FBLN2: variants seen among roughly 807,000 people sequenced by gnomAD.
The protein encoded by FBLN2 is fibulin 2, also known as fibulin-2.
A neutral mutation model predicts 123.7 loss-of-function variants in FBLN2; 81 were observed. That is an observed-to-expected ratio of 0.65 (90% CI 0.55 to 0.79). FBLN2 has a LOEUF of 0.79. Ranked by LOEUF, FBLN2 falls within the 30% of genes least tolerant of loss-of-function variation. FBLN2 has a pLI of 0.00. For missense variants in FBLN2, 1,603 were observed against 1,681.3 expected (o/e 0.95, Z 0.81); for synonymous variants, 699 against 701.4 (o/e 1.00, Z 0.05).
intron 2 of FBLN2, among the ~76,000 whole-genome samples, chr3:13,572,030 G>T (rs557807530): frequency 6.6e-6 from 1 of 152,354 alleles, no homozygotes; most frequent in African/African-American, 2.4e-5. Flanking sequence ...AATGCGAAGG[G>T]CGGTCTCTTC....
Position 13,605,475 on chromosome 3 carries a change from G to A in FBLN2, c.1307-2587G>A, listed in dbSNP as rs112682194. ...TTTGGCTTCTTCCTTTTCTCCCTTA[G>A]TGCTGTGTTCCTCCACACTTCTGTG... On this transcript the variant is annotated intron_variant, in intron 2 of 17. Coordinates refer to ENST00000404922, the MANE Select transcript of FBLN2 (RefSeq NM_001004019.2). 6.3e-3 allele frequency among the ~76,000 whole-genome samples: 957 copies of A among 152,170 alleles called. 11 individuals carry two copies. The highest frequency in any genetic ancestry group is 0.022 in the African/African-American group (896 of 41,504).
chr3:13,606,493 A>C (rs1053077787), intron 2 of FBLN2, among the ~76,000 whole-genome samples: 1 of 152,246 alleles, frequency 6.6e-6, no homozygotes, highest in Non-Finnish European at 1.5e-5. Flanking sequence ...AACCTTGAAC[A>C]ACTCAGGAGT....
At chr3:13,596,731 C>A (rs1704854589) in intron 2 of FBLN2, among the ~76,000 whole-genome samples, 1 of 152,084 alleles carries the variant, frequency 6.6e-6, no homozygotes, top group African/African-American at 2.4e-5. Flanking sequence ...CACTCCCAGC[C>A]CTTGGCACCC....
Position 13,637,608 on chromosome 3 carries a change from T to C in FBLN2, c.3385T>C (p.Ser1129Pro). 6.2e-7 allele frequency: 1 copy of C among 1,613,278 alleles called. No individual in the cohort carries two copies. The highest frequency in any genetic ancestry group is 1.1e-5 in the South Asian group (1 of 91,018). Residue 1129 changes from serine (S) to proline (P), a missense_variant, in exon 18 of 18, where the codon TCG (serine) becomes CCG (proline). Coordinates refer to ENST00000404922, the MANE Select transcript of FBLN2 (RefSeq NM_001004019.2). ...CCATGACTTCCTGGAGTGCCAGAAC[T>C]CGCCAGCGCGCATCACGCACTACCA... ...TCHDFLECQN[S>P]PARITHYQLN...
chr3:13,617,400 A>G (rs888409022), intron 5 of FBLN2, among the ~76,000 whole-genome samples: 3 of 151,126 alleles, frequency 2.0e-5, no homozygotes, highest in Middle Eastern at 3.2e-3. Context: ...TCACCCATCC[A>G]TCTATCCATC....
chr3:13,609,556 A>T lies in FBLN2; in HGVS notation c.1462A>T (p.Ser488Cys). Residue 488 changes from serine (S) to cysteine (C), a missense_variant, in exon 4 of 18, where the codon AGC becomes TGC. Transcript: ENST00000404922. The part of the protein sequence containing the change: ...HCCVSYLQEK[S>C]CMAGVLGAKE... Reference sequence around the variant, plus strand: ...CTGTGTCTCCTACTTGCAGGAGAAGAGCTGCATGGCCGGCGTCCTGGGAGC... The same window carrying T: ...CTGTGTCTCCTACTTGCAGGAGAAGTGCTGCATGGCCGGCGTCCTGGGAGC... 1 of 1,553,602 alleles carries T rather than the reference A, an allele frequency of 6.4e-7. No individual in the cohort carries two copies. The highest frequency in any genetic ancestry group is 8.7e-7 in the Non-Finnish European group (1 of 1,148,286).
chr3:13,625,428 A>G (rs1292038152), intron 9 of FBLN2, among the ~76,000 whole-genome samples: 1 of 152,132 alleles, frequency 6.6e-6, no homozygotes, highest in Non-Finnish European at 1.5e-5. Flanking sequence ...GGCCTCAGCC[A>G]TCTGACCATT....
intron 16 of FBLN2, among the ~76,000 whole-genome samples, chr3:13,633,333 C>T (rs369010433): frequency 7.2e-5 from 11 of 152,390 alleles, no homozygotes; most frequent in East Asian, 5.8e-4. Flanking sequence ...GAAGAACTGG[C>T]GAGGCCAGGT....
intron 16 of FBLN2, among the ~76,000 whole-genome samples, chr3:13,634,848 A>G (rs1318477793): frequency 6.6e-6 from 1 of 152,248 alleles, no homozygotes; most frequent in Non-Finnish European, 1.5e-5. Flanking sequence ...CCCTGGGCAC[A>G]TTTGTGGACA....
intron 1 of FBLN2, among the ~76,000 whole-genome samples, chr3:13,564,832 A>G (rs1250639682): frequency 6.6e-6 from 1 of 152,200 alleles, no homozygotes; most frequent in Admixed American, 6.5e-5. Context: ...TGTGAAGGTT[A>G]ATTTATCAAA....
chr3:13,580,913 C>T (rs945133847), intron 2 of FBLN2, among the ~76,000 whole-genome samples: 6 of 152,226 alleles, frequency 3.9e-5, no homozygotes, highest in Non-Finnish European at 8.8e-5. Context: ...CCTGCTGGGC[C>T]TGAACGTGTG....
intron 4 of FBLN2, among the ~76,000 whole-genome samples, 183 bp downstream of exon 4, chr3:13,609,825 C>T (rs142768306): frequency 1.4e-3 from 208 of 152,320 alleles, no homozygotes; most frequent in African/African-American, 4.5e-3. Flanking sequence ...AGTTATTATA[C>T]TGACCAATTA....
At chr3:13,602,121 C>T (rs1450494381) in intron 2 of FBLN2, among the ~76,000 whole-genome samples, 5 of 152,190 alleles carry the variant, frequency 3.3e-5, no homozygotes, top group Non-Finnish European at 4.4e-5. Context: ...AAAATTATCT[C>T]TGTAAATTTT....
intron 2 of FBLN2, among the ~76,000 whole-genome samples, chr3:13,584,608 A>G (rs918607851): frequency 9.2e-5 from 14 of 152,154 alleles, no homozygotes; most frequent in African/African-American, 3.1e-4. Flanking sequence ...GGTAGAGGCA[A>G]CTGTGCCTGT....
At chr3:13,636,348 G>T (rs112527698) in intron 16 of FBLN2, 97 bp from the exon 17 acceptor site, 7 of 1,481,898 alleles carry the variant, frequency 4.7e-6, no homozygotes, top group African/African-American at 1.4e-5. Flanking sequence ...TCACAGGTCC[G>T]GCTGCCGTGG....
intron 4 of FBLN2, among the ~76,000 whole-genome samples, chr3:13,611,103 C>T (rs1705378044): frequency 6.6e-6 from 1 of 151,870 alleles, no homozygotes; most frequent in South Asian, 2.1e-4. Context: ...GAGCATACGC[C>T]ACCATGCTTG....
intron 2 of FBLN2, among the ~76,000 whole-genome samples, chr3:13,598,855 T>C (rs1037579489): frequency 6.6e-6 from 1 of 152,150 alleles, no homozygotes; most frequent in Non-Finnish European, 1.5e-5. Flanking sequence ...GGGAGCTGCT[T>C]TTCCTGGGTG....
intron 2 of FBLN2, among the ~76,000 whole-genome samples, chr3:13,593,127 G>A (rs542229485): frequency 6.6e-6 from 1 of 152,284 alleles, no homozygotes; most frequent in African/African-American, 2.4e-5. Context: ...GGAAATAGAT[G>A]CCACTTCTCA....
chr3:13,635,390 A>ACC (rs1442164913), intron 16 of FBLN2, among the ~76,000 whole-genome samples: 3 of 151,764 alleles, frequency 2.0e-5, no homozygotes, highest in African/African-American at 7.3e-5. Flanking sequence ...ACACACACAC[A>ACC]CACACACACC....
Sources: gnomAD v4.1 joint callset for allele counts (sites outside exome capture counted in the v4.1 genomes callset) on GRCh38, gnomAD v4.1.1 for gene constraint, MANE v1.5 for transcripts, NCBI Gene and HGNC (gene_info 2026-07-23, HGNC 2026-07-21) for gene names.